The following MYH9 variants were observed in gnomAD, a reference collection of about 807,000 sequenced individuals.
The protein encoded by MYH9 is myosin-9.
In MYH9, 29 loss-of-function variants were observed where a neutral mutation model predicts 241.9. That is an observed-to-expected ratio of 0.12 (90% CI 0.09 to 0.16). MYH9 has a LOEUF of 0.16. Ranked by LOEUF, MYH9 falls within the 10% of genes least tolerant of loss-of-function variation. The pLI is 1.00. For synonymous variants in MYH9, 1,047 were observed against 1,062.6 expected, an observed-to-expected ratio of 0.99 and a Z score of 0.29; for missense variants, 1,803 against 2,595.5, an observed-to-expected ratio of 0.69 and a Z score of 6.63.
In MYH9 at chr22:36,329,484, C is replaced by T. The variant is rs1341739742; in HGVS notation, c.491-1996G>A. ...TTTTGTCATCCCAGCCCCCTGCCCT[C>T]CCCCACTGCGTCTCCCTGTGGTCTG... On this transcript the variant is annotated intron_variant, in intron 3 of 40. Coordinates refer to ENST00000216181, the MANE Select transcript of MYH9 (RefSeq NM_002473.6). The surrounding 1 kb of genome is among the most constrained non-coding windows in gnomAD (Gnocchi z 4.1). 6.6e-6 allele frequency among the ~76,000 whole-genome samples: 1 copy of T among 152,168 alleles called. No homozygotes were observed. Among genetic ancestry groups the T allele is most frequent in the Non-Finnish European group, 1.5e-5 (1 of 68,010 alleles).
At chr22:36,356,753 G>A (rs529415040) in intron 1 of MYH9, among the ~76,000 whole-genome samples, 24 of 152,286 alleles carry the variant, frequency 1.6e-4, no homozygotes, top group Admixed American at 5.9e-4. Context: ...TAATGAGGTC[G>A]CGCGGCAGGA....
rs546870624 is a variant in MYH9, at chr22:36,299,467, G to A, written c.2977-425C>T. On this transcript the variant is annotated intron_variant, in intron 23 of 40. Transcript: ENST00000216181. ...CCCCTCTTCAGCCCCGCGGTGCCCC[G>A]GGCTGCTCTCCTTGCTTTCTGTTCT... is the stretch of plus-strand genomic sequence containing the variant. Among the ~76,000 whole-genome samples the A allele has an allele frequency of 1.4e-4, 22 of 152,278 alleles. No homozygotes were observed. The South Asian group carries it at 3.7e-3, about 26-fold the overall frequency.
chr22:36,348,275 G>A (rs559478404), intron 2 of MYH9, among the ~76,000 whole-genome samples: 7 of 151,132 alleles, frequency 4.6e-5, no homozygotes, highest in South Asian at 2.1e-4. Flanking sequence ...TTGGGAGGCC[G>A]AGGCGGGTGG....
chr22:36,287,800 C>A (rs1335715204), intron 34 of MYH9, among the ~76,000 whole-genome samples: 1 of 152,284 alleles, frequency 6.6e-6, no homozygotes, highest in East Asian at 1.9e-4. Flanking sequence ...CATGATATGG[C>A]GTATCAGAGC....
intron 2 of MYH9, among the ~76,000 whole-genome samples, chr22:36,348,134 TA>T (rs1012925467): frequency 1.5e-4 from 23 of 148,522 alleles, no homozygotes; most frequent in African/African-American, 4.4e-4. Flanking sequence ...ATATTTTATT[TA>T]AAAAAATTTT....
At chr22:36,289,335 G>C (rs555784850) in intron 31 of MYH9, 38 bp from the exon 32 acceptor site, 23 of 1,569,942 alleles carry the variant, frequency 1.5e-5, no homozygotes, top group Non-Finnish European at 1.9e-5. Context: ...TCAGAGCTAC[G>C]GCCCCCAGCA....
intron 1 of MYH9, among the ~76,000 whole-genome samples, chr22:36,376,173 C>A (rs960122550): frequency 3.9e-5 from 6 of 151,962 alleles, no homozygotes; most frequent in African/African-American, 7.3e-5. Context: ...GTTGGCCAGG[C>A]TGGTCTCGAA....
At position 36,282,447 on chromosome 22, in the gene MYH9, G is replaced by A. The variant is rs1474289250; in HGVS notation, c.*221C>T. ...CCCGGGCCCTGTCTCTTTGGTATCA[G>A]ATTCTGAGCAGGGGAGGGAGCTGGA... On this transcript the variant is annotated 3_prime_UTR_variant, in exon 41 of 41. Coordinates refer to ENST00000216181, the MANE Select transcript of MYH9 (RefSeq NM_002473.6). 4 of 671,544 alleles carry A rather than the reference G, an allele frequency of 6.0e-6. No individual in the cohort carries two copies. The highest frequency in any genetic ancestry group is 5.3e-5 in the African/African-American group (3 of 56,926). 41.6% of individuals were successfully genotyped at this position (671,544 alleles called of 1,614,324 possible).
In MYH9 at chr22:36,348,835, A is replaced by AGGGGGGGGGGGGGGGGG; in HGVS notation, c.333+68_333+69insCCCCCCCCCCCCCCCCC. 1.3e-5 allele frequency: 11 copies of AGGGGGGGGGGGGGGGGG among 868,972 alleles called. 1 individual carries two copies. The highest frequency in any genetic ancestry group is 1.2e-4 in the East Asian group (2 of 16,586). 53.8% of individuals were successfully genotyped at this position (868,972 alleles called of 1,614,324 possible). ...GCCCAGGCACGTGAGGGTGATGGGA[A>AGGGGGGGGGGGGGGGGG]GACCCGCCCCCCCCCCCCACCTCGG... is the stretch of plus-strand genomic sequence containing the variant. On this transcript the variant is annotated intron_variant, in intron 2 of 40. Coordinates refer to ENST00000216181, the MANE Select transcript of MYH9 (RefSeq NM_002473.6).
chr22:36,383,358 T>C (rs2018288291), intron 1 of MYH9, among the ~76,000 whole-genome samples: 1 of 152,276 alleles, frequency 6.6e-6, no homozygotes, highest in Middle Eastern at 3.4e-3. Context: ...CAGGAAACCA[T>C]GTGTTTGAAC....
At chr22:36,308,300 C>T (rs1219456125) in intron 15 of MYH9, among the ~76,000 whole-genome samples, 1 of 151,436 alleles carries the variant, frequency 6.6e-6, no homozygotes, top group African/African-American at 2.4e-5. Flanking sequence ...CAGGGTCTCA[C>T]CCTGTCACCC....
chr22:36,306,630 G>A lies in MYH9; in HGVS notation c.1844-23C>T, dbSNP rs376601503. ...CCACTGTGGAGACCACAGAGAACAC[G>A]TGAGTGCCCACACAGTTGCAGCTGG... On this transcript the variant is annotated intron_variant, in intron 15 of 40. Coordinates refer to ENST00000216181, the MANE Select transcript of MYH9 (RefSeq NM_002473.6). This position sits in a 1 kb window ranked among gnomAD's most constrained non-coding sequence, Gnocchi z 4.1. 1.4e-5 allele frequency: 23 copies of A among 1,606,708 alleles called. No individual in the cohort carries two copies. Among genetic ancestry groups the A allele is most frequent in the African/African-American group, 2.7e-5 (2 of 74,852 alleles).
At chr22:36,312,249 G>T in intron 13 of MYH9, 27 bp from the exon 14 acceptor site, 1 of 1,613,042 alleles carries the variant, frequency 6.2e-7, no homozygotes, top group Non-Finnish European at 8.5e-7. Context: ...ATCAGCACAG[G>T]TGAGTGCACC....
intron 20 of MYH9, among the ~76,000 whole-genome samples, chr22:36,302,129 G>A (rs1036390585): frequency 1.6e-4 from 25 of 152,178 alleles, no homozygotes; most frequent in South Asian, 8.3e-4. Flanking sequence ...GAAAAAGAGC[G>A]AGAAATTAAA....
rs1460359295 is a variant in MYH9, at chr22:36,306,824, T to C, written c.1844-217A>G. ...GATGCAAAGGCACTGGGCTTGTCTCTTGGGGAGCCATGCATCTGCCATGGC... is the reference window on the plus strand; with the variant it reads ...GATGCAAAGGCACTGGGCTTGTCTCCTGGGGAGCCATGCATCTGCCATGGC... On this transcript the variant is annotated intron_variant, in intron 15 of 40. Coordinates refer to ENST00000216181, the MANE Select transcript of MYH9 (RefSeq NM_002473.6). The surrounding 1 kb of genome is among the most constrained non-coding windows in gnomAD (Gnocchi z 4.1). 1.3e-5 allele frequency among the ~76,000 whole-genome samples: 2 copies of C among 152,212 alleles called. No individual in the cohort carries two copies. Among genetic ancestry groups the C allele is most frequent in the Non-Finnish European group, 2.9e-5 (2 of 68,032 alleles).
intron 3 of MYH9, among the ~76,000 whole-genome samples, chr22:36,336,455 C>T (rs1338410494): frequency 6.6e-6 from 1 of 152,242 alleles, no homozygotes; most frequent in Admixed American, 6.5e-5. Context: ...CCCACCCATC[C>T]CCCGCTGCCT....
rs202127454 is a variant in MYH9 at position 36,289,283 on chromosome 22, C to T, written c.4359G>A (p.Glu1453=). Residue 1453 remains glutamate, a synonymous_variant, in exon 32 of 41, where the codon GAG becomes GAA. Coordinates refer to ENST00000216181, the MANE Select transcript of MYH9 (RefSeq NM_002473.6). ...CTGCATACTTGGCAGAGATGGTCTT[C>T]TCCTCCGCCAGGAGCTGGGAAAGAG... ...QKKFDQLLAE[E]KTISAKYAEE... 818 of 1,611,100 alleles carry T rather than the reference C, an allele frequency of 5.1e-4. No individual in the cohort carries two copies. The highest frequency in any genetic ancestry group is 6.7e-4 in the Non-Finnish European group (793 of 1,179,394).
In MYH9 at chr22:36,296,877, T is replaced by C; in HGVS notation, c.3238A>G (p.Lys1080Glu). ...GCGGCCTGGAGCTCCTCCTCTTTCT[T>C]GGCCAGCTGCATCTTGAGCTCCGCG... ...QIAELKMQLAKKEEELQAALA... is the reference protein window; with the variant it reads ...QIAELKMQLAEKEEELQAALA... The change falls in exon 25 of 41, where the codon AAG (lysine) becomes GAG (glutamate). Residue 1080 changes from lysine (K) to glutamate (E), a missense_variant. By Grantham distance (56) the Lys-to-Glu change is moderately conservative. Around this residue, in one of 11 missense-constraint regions of MYH9, gnomAD observed 290 missense variants for 360.5 expected, o/e 0.80. Coordinates refer to ENST00000216181, the MANE Select transcript of MYH9 (RefSeq NM_002473.6). 1.2e-6 allele frequency: 2 copies of C among 1,613,098 alleles called. No homozygotes were observed. Among genetic ancestry groups the C allele is most frequent in the Non-Finnish European group, 1.7e-6 (2 of 1,179,676 alleles).
chr22:36,353,139 G>A (rs983992038), intron 1 of MYH9, among the ~76,000 whole-genome samples: 4 of 151,882 alleles, frequency 2.6e-5, no homozygotes, highest in African/African-American at 9.7e-5. Flanking sequence ...GTGTATAAGT[G>A]TGTTCAGTCA....
Sources: allele counts gnomAD v4.1 joint callset (sites outside exome capture counted in the v4.1 genomes callset), GRCh38; gene constraint gnomAD v4.1.1; regional missense constraint gnomAD v4.1.1; non-coding constraint Gnocchi (gnomAD v3.1); transcripts MANE v1.5; gene names NCBI Gene and HGNC (gene_info 2026-07-23, HGNC 2026-07-21).